OPCML: variants seen among roughly 807,000 people sequenced by gnomAD.
The protein encoded by OPCML is opioid binding protein/cell adhesion molecule like, also known as opioid-binding protein/cell adhesion molecule.
In OPCML, 13 loss-of-function variants were observed where a neutral mutation model predicts 37.8. The ratio of observed to expected loss-of-function variants is 0.34; its 90% CI spans 0.22 to 0.55. OPCML has a LOEUF of 0.55. OPCML is among the 20% of genes least tolerant of loss of function. OPCML has a pLI of 0.91. For missense variants in OPCML, 341 were observed against 435.6 expected (o/e 0.78, Z 1.93); for synonymous variants, 176 against 168.8 (o/e 1.04, Z -0.33).
intron 1 of OPCML, among the ~76,000 whole-genome samples, chr11:133,093,732 T>C (rs1948950865): frequency 6.6e-6 from 1 of 152,106 alleles, no homozygotes; most frequent in Admixed American, 6.6e-5. Flanking sequence ...ACGTTGAATA[T>C]AGACTGTGTA....
At chr11:133,185,752 CA>C (rs1382561939) in intron 1 of OPCML, among the ~76,000 whole-genome samples, 1 of 152,152 alleles carries the variant, frequency 6.6e-6, no homozygotes, top group Non-Finnish European at 1.5e-5. Flanking sequence ...GGTGGGTCTG[CA>C]ATCAATTTAT....
At chr11:133,447,316 A>C (rs998571487) in intron 1 of OPCML, among the ~76,000 whole-genome samples, 1 of 152,200 alleles carries the variant, frequency 6.6e-6, no homozygotes, top group Non-Finnish European at 1.5e-5. Flanking sequence ...TAGCCATTCA[A>C]ATATGTTCTT....
chr11:132,583,637 A>G (rs1039878051), intron 3 of OPCML, among the ~76,000 whole-genome samples: 2 of 151,804 alleles, frequency 1.3e-5, no homozygotes, highest in Admixed American at 6.6e-5. Flanking sequence ...ACTTTTTGAA[A>G]GAGAGTTTTG....
chr11:133,155,547 T>G (rs1330124998), intron 1 of OPCML, among the ~76,000 whole-genome samples: 1 of 152,222 alleles, frequency 6.6e-6, no homozygotes, highest in East Asian at 1.9e-4. Flanking sequence ...ATTCCTTGCA[T>G]GCAAAGGCCC....
chr11:132,612,707 G>A (rs189225454), intron 3 of OPCML, among the ~76,000 whole-genome samples: 26 of 152,304 alleles, frequency 1.7e-4, no homozygotes, highest in Admixed American at 1.4e-3. Context: ...ATCCCCTATA[G>A]GGTTGAGGTG....
At chr11:133,039,138 G>A (rs951549580) in intron 1 of OPCML, among the ~76,000 whole-genome samples, 10 of 152,268 alleles carry the variant, frequency 6.6e-5, no homozygotes, top group Non-Finnish European at 1.3e-4. Context: ...TTCCACAGGC[G>A]GAGGGTTGGC....
intron 4 of OPCML, among the ~76,000 whole-genome samples, chr11:132,482,162 T>C (rs1180469679): frequency 2.7e-5 from 4 of 149,638 alleles, no homozygotes; most frequent in African/African-American, 9.8e-5. Context: ...ACAAAATTGA[T>C]AGACTGCTAG....
chr11:133,095,987 T>G (rs1159207713), intron 1 of OPCML, among the ~76,000 whole-genome samples: 1 of 151,936 alleles, frequency 6.6e-6, no homozygotes, highest in Non-Finnish European at 1.5e-5. Flanking sequence ...ATAAACTATA[T>G]GTCAGAAACT....
intron 4 of OPCML, among the ~76,000 whole-genome samples, chr11:132,469,970 T>G (rs2096132782): frequency 6.7e-6 from 1 of 150,126 alleles, no homozygotes; most frequent in African/African-American, 2.5e-5. Flanking sequence ...TGTGTGTTTG[T>G]GGTGGGGGAT....
chr11:133,327,916 G>C (rs1256125015), intron 1 of OPCML, among the ~76,000 whole-genome samples: 2 of 152,140 alleles, frequency 1.3e-5, no homozygotes, highest in Non-Finnish European at 2.9e-5. Context: ...TGAGTTTTGA[G>C]AAGACACTTG....
rs1939847098 is a variant in OPCML at position 133,221,893 on chromosome 11, G to C, written c.62-278883C>G. 2.0e-5 allele frequency among the ~76,000 whole-genome samples: 3 copies of C among 152,166 alleles called. No homozygotes were observed. The South Asian group carries it at 6.2e-4, about 32-fold the overall frequency. ...CTCGATTATCAGAGCAGACACCAAG[G>C]ATCAGGAAAAATAACTAATGTTCTC... is the stretch of plus-strand genomic sequence containing the variant. On this transcript the variant is annotated intron_variant, in intron 1 of 7. Coordinates refer to ENST00000524381, the MANE Select transcript of OPCML (RefSeq NM_001012393.5).
chr11:133,284,389 G>A (rs143175249), intron 1 of OPCML, among the ~76,000 whole-genome samples: 2 of 152,220 alleles, frequency 1.3e-5, no homozygotes, highest in East Asian at 1.9e-4. Context: ...AAGCAAAAGC[G>A]GGTGTTTGGG....
intron 1 of OPCML, among the ~76,000 whole-genome samples, chr11:133,285,386 G>A (rs1942268251): frequency 6.6e-6 from 1 of 152,232 alleles, no homozygotes; most frequent in African/African-American, 2.4e-5. Flanking sequence ...CTGGTATTTG[G>A]AGGATAAATT....
intron 4 of OPCML, among the ~76,000 whole-genome samples, chr11:132,527,306 A>C (rs945094099): frequency 1.3e-5 from 2 of 152,162 alleles, no homozygotes; most frequent in African/African-American, 4.8e-5. Flanking sequence ...ACAAAATGTG[A>C]AATTGTTTCC....
chr11:132,651,204 G>T (rs1255862263), intron 3 of OPCML, among the ~76,000 whole-genome samples: 1 of 152,120 alleles, frequency 6.6e-6, no homozygotes, highest in Non-Finnish European at 1.5e-5. Flanking sequence ...CTGAGTCAGT[G>T]GTGTGTTGAA....
rs896205600 is a variant in OPCML, at chr11:133,174,799, T to C, written c.62-231789A>G. 1.3e-5 allele frequency among the ~76,000 whole-genome samples: 2 copies of C among 152,190 alleles called. No individual in the cohort carries two copies. The highest frequency in any genetic ancestry group is 1.3e-4 in the Admixed American group (2 of 15,282). On this transcript the variant is annotated intron_variant, in intron 1 of 7. Transcript: ENST00000524381. The surrounding 1 kb of genome is among the most constrained non-coding windows in gnomAD (Gnocchi z 4.6). The stretch of plus-strand genomic sequence containing the variant: ...TATATTATAATTCATTTATGATGAG[T>C]GTATACTTCGTGTGCACTAGAAAAA...
chr11:132,692,082 A>G (rs1321963182), intron 2 of OPCML, among the ~76,000 whole-genome samples: 2 of 152,182 alleles, frequency 1.3e-5, no homozygotes, highest in African/African-American at 4.8e-5. Flanking sequence ...TCCCCGACTG[A>G]TTTCTAGTGT....
At position 133,184,856 on chromosome 11, in the gene OPCML, A is replaced by G. The variant is rs533648050; in HGVS notation, c.62-241846T>C. Among the ~76,000 whole-genome samples, 7 of 152,324 alleles carry G rather than the reference A, an allele frequency of 4.6e-5. No individual in the cohort carries two copies. The South Asian group carries it at 1.2e-3, about 27-fold the overall frequency. ...GGCAGGTGAATGATAGCCCTGAAGA[A>G]TAGAGAACCGTTTCCCGCAGGACGT... On this transcript the variant is annotated intron_variant, in intron 1 of 7. Transcript: ENST00000524381.
chr11:133,112,285 CAAAAAAA>C (rs370146450), intron 1 of OPCML, among the ~76,000 whole-genome samples: 17 of 49,126 alleles, frequency 3.5e-4, no homozygotes, highest in African/African-American at 8.6e-4. Context: ...GACTCTTGGC[CAAAAAAA>C]AAAAAAAAAA....
Sources: allele counts gnomAD v4.1 joint callset (sites outside exome capture counted in the v4.1 genomes callset), GRCh38; gene constraint gnomAD v4.1.1; non-coding constraint Gnocchi (gnomAD v3.1); transcripts MANE v1.5; gene names NCBI Gene and HGNC (gene_info 2026-07-23, HGNC 2026-07-21).